Variants in SORT1 observed in about 807,000 individuals in gnomAD.
SORT1 encodes the protein sortilin 1.
In SORT1, 39 loss-of-function variants were observed where a neutral mutation model predicts 101.7. The observed-to-expected ratio is 0.38, with a 90% CI of 0.30 to 0.50. The LOEUF (loss-of-function observed/expected upper bound fraction) is 0.50. Among genes scored for constraint, SORT1 ranks in the 20% least tolerant of loss-of-function variants. The probability of loss-of-function intolerance (pLI) is 0.90; values close to 1 mark genes in which losing one functional copy is unlikely to be tolerated. For synonymous variants in SORT1, 396 were observed against 393.7 expected (o/e 1.01, Z -0.07); for missense variants, 878 against 1,040.4 (o/e 0.84, Z 2.15).
intron 10 of SORT1, 36 bp from the exon 11 acceptor site, chr1:109,336,382 C>A (rs1224925226): frequency 7.8e-7 from 1 of 1,278,562 alleles, no homozygotes; most frequent in African/African-American, 1.5e-5. Flanking sequence ...GTCTGATACA[C>A]TGGAAGTACC....
chr1:109,362,056 A>G (rs541906902), intron 3 of SORT1, among the ~76,000 whole-genome samples: 7 of 152,200 alleles, frequency 4.6e-5, no homozygotes, highest in Admixed American at 2.0e-4. Context: ...AAACACAAGA[A>G]GACTTTGATG....
intron 1 of SORT1, among the ~76,000 whole-genome samples, chr1:109,396,352 C>G (rs193252642): frequency 2.6e-5 from 4 of 152,088 alleles, no homozygotes; most frequent in East Asian, 1.9e-4. Context: ...TGTTGTAAAG[C>G]CTTTCTCAAT....
chr1:109,396,067 G>C (rs1653162735), intron 1 of SORT1, among the ~76,000 whole-genome samples: 1 of 151,946 alleles, frequency 6.6e-6, no homozygotes, highest in African/African-American at 2.4e-5. Flanking sequence ...CTGGGCAACA[G>C]AGTGAGACCC....
intron 11 of SORT1, among the ~76,000 whole-genome samples, chr1:109,327,984 CTG>C (rs1648199727): frequency 1.3e-5 from 2 of 152,142 alleles, no homozygotes; most frequent in African/African-American, 4.8e-5. Context: ...CATTTTGTGT[CTG>C]ACTTATTTCA....
At chr1:109,336,140 G>A (rs750887656) in intron 11 of SORT1, 100 bp downstream of exon 11, 21 of 711,200 alleles carry the variant, frequency 3.0e-5, no homozygotes, top group Admixed American at 1.4e-4. Context: ...TTATGCTGAG[G>A]ACCCTAATCA....
At chr1:109,314,427 G>T (rs778741680) in intron 18 of SORT1, 43 bp from the exon 19 acceptor site, 2 of 1,606,514 alleles carry the variant, frequency 1.2e-6, no homozygotes, top group South Asian at 1.1e-5. Flanking sequence ...TACACAGCAG[G>T]GGTGCACTTC....
chr1:109,357,606 CCT>C (rs1650414517), intron 3 of SORT1, among the ~76,000 whole-genome samples: 1 of 152,300 alleles, frequency 6.6e-6, no homozygotes, highest in Admixed American at 6.5e-5. Context: ...CTGGGGTCTT[CCT>C]CTGTCTTGCT....
intron 5 of SORT1, among the ~76,000 whole-genome samples, chr1:109,351,395 C>T (rs1431333804): frequency 6.6e-6 from 1 of 152,172 alleles, no homozygotes; most frequent in Non-Finnish European, 1.5e-5. Flanking sequence ...AGGAACATTG[C>T]ATCAGAGATG....
intron 1 of SORT1, among the ~76,000 whole-genome samples, chr1:109,373,144 G>A (rs182438474): frequency 6.0e-4 from 91 of 152,198 alleles, no homozygotes; most frequent in African/African-American, 2.1e-3. Flanking sequence ...CACAAAGGAC[G>A]ACGATTCCTG....
intron 6 of SORT1, 55 bp downstream of exon 6, chr1:109,350,873 CA>C: frequency 8.9e-7 from 1 of 1,125,254 alleles, no homozygotes; most frequent in Non-Finnish European, 1.4e-6. Context: ...TGATTTTTGG[CA>C]GCGCTATCAG....
intron 11 of SORT1, 47 bp from the exon 12 acceptor site, chr1:109,327,648 C>G (rs776560981): frequency 2.4e-6 from 3 of 1,260,052 alleles, no homozygotes; most frequent in Non-Finnish European, 3.3e-6. Context: ...GATAAAGATA[C>G]AATTTCTTTA....
intron 15 of SORT1, among the ~76,000 whole-genome samples, chr1:109,319,866 C>CA (rs574333925): frequency 0.13 from 14,045 of 107,022 alleles, 796 homozygotes; most frequent in Middle Eastern, 0.19. Context: ...GACTCCGTCT[C>CA]AAAAAAAAAA....
At chr1:109,364,717 A>T (rs1222273511) in intron 3 of SORT1, among the ~76,000 whole-genome samples, 4 of 152,168 alleles carry the variant, frequency 2.6e-5, no homozygotes, top group African/African-American at 9.7e-5. Context: ...GGGGGCAGGC[A>T]ATCTGCCTGA....
intron 3 of SORT1, among the ~76,000 whole-genome samples, chr1:109,361,348 GTCCAAC>G (rs1650709527): frequency 6.6e-6 from 1 of 152,154 alleles, no homozygotes. Flanking sequence ...TTTCTCTACT[GTCCAAC>G]AACAAGTTCC....
chr1:109,392,745 C>T (rs1372340127), intron 1 of SORT1: 1 of 984,468 alleles, frequency 1.0e-6, no homozygotes, highest in Non-Finnish European at 1.2e-6. Context: ...ATATCCAATG[C>T]ATAAGTCATT....
At chr1:109,319,929 C>A (rs533727140) in intron 15 of SORT1, among the ~76,000 whole-genome samples, 1 of 151,754 alleles carries the variant, frequency 6.6e-6, no homozygotes, top group East Asian at 1.9e-4. Context: ...GCTCAATAAT[C>A]ATCAAATTCA....
intron 1 of SORT1, among the ~76,000 whole-genome samples, chr1:109,369,943 A>G (rs1231522686): frequency 6.6e-6 from 1 of 152,238 alleles, no homozygotes; most frequent in Admixed American, 6.5e-5. Flanking sequence ...AAAAGATCAT[A>G]GCCCACACTG....
intron 10 of SORT1, 129 bp downstream of exon 10, chr1:109,340,595 C>G (rs1649143754): frequency 3.4e-6 from 3 of 895,060 alleles, no homozygotes; most frequent in South Asian, 1.8e-5. Context: ...AAAAAGGAAA[C>G]AAAAAAATGT....
intron 10 of SORT1, among the ~76,000 whole-genome samples, chr1:109,338,552 A>G (rs1168698742): frequency 6.6e-6 from 1 of 152,214 alleles, no homozygotes; most frequent in Non-Finnish European, 1.5e-5. Flanking sequence ...GTAGAACACA[A>G]GAAGAACCCT....
Sources: gnomAD v4.1 joint callset for allele counts (sites outside exome capture counted in the v4.1 genomes callset) on GRCh38, gnomAD v4.1.1 for gene constraint, MANE v1.5 for transcripts, NCBI Gene and HGNC (gene_info 2026-07-23, HGNC 2026-07-21) for gene names.